The following TBC1D22A variants were observed in gnomAD, a reference collection of about 807,000 sequenced individuals.
TBC1D22A encodes putative GTPase activator.
In TBC1D22A, 38 loss-of-function variants were observed where a neutral mutation model predicts 60.2. That is an observed-to-expected ratio of 0.63 (90% CI 0.49 to 0.83). TBC1D22A has a LOEUF of 0.83. TBC1D22A is among the 40% of genes least tolerant of loss of function. TBC1D22A has a pLI of 0.00. For synonymous variants in TBC1D22A, 302 were observed against 281.7 expected, an observed-to-expected ratio of 1.07 and a Z score of -0.72; for missense variants, 628 against 701.0, an observed-to-expected ratio of 0.90 and a Z score of 1.18.
At chr22:46,945,210 C>T (rs985703268) in intron 8 of TBC1D22A, among the ~76,000 whole-genome samples, 6 of 152,180 alleles carry the variant, frequency 3.9e-5, no homozygotes, top group Non-Finnish European at 7.3e-5. Context: ...AGATTGTGTG[C>T]CATGATCTTT....
chr22:46,910,352 G>C (rs2069825151), intron 7 of TBC1D22A, among the ~76,000 whole-genome samples: 1 of 152,114 alleles, frequency 6.6e-6, no homozygotes, highest in Non-Finnish European at 1.5e-5. Context: ...TAGGTCCCGG[G>C]TTGATGGTGA....
At chr22:47,077,526 G>A (rs767641990) in intron 11 of TBC1D22A, among the ~76,000 whole-genome samples, 26 of 152,210 alleles carry the variant, frequency 1.7e-4, no homozygotes, top group Non-Finnish European at 2.9e-5. Flanking sequence ...TGGGGGGTCT[G>A]AAAGGTCTGT....
chr22:47,117,871 C>G (rs2066127055), intron 12 of TBC1D22A, among the ~76,000 whole-genome samples: 1 of 152,112 alleles, frequency 6.6e-6, no homozygotes, highest in Admixed American at 6.5e-5. Flanking sequence ...GCCTGTAATC[C>G]CAGCACTTTG....
At chr22:46,822,734 G>A (rs1291823561) in intron 4 of TBC1D22A, among the ~76,000 whole-genome samples, 2 of 152,150 alleles carry the variant, frequency 1.3e-5, no homozygotes, top group Non-Finnish European at 2.9e-5. Flanking sequence ...GTGGCATGGG[G>A]AGCAGGACCC....
intron 7 of TBC1D22A, among the ~76,000 whole-genome samples, chr22:46,905,691 A>G (rs1253430248): frequency 6.6e-6 from 1 of 152,120 alleles, no homozygotes; most frequent in East Asian, 1.9e-4. Flanking sequence ...GGGCCAAGGG[A>G]GCCTCTGGGG....
chr22:46,803,138 C>T (rs1292334126), intron 4 of TBC1D22A, among the ~76,000 whole-genome samples: 1 of 151,514 alleles, frequency 6.6e-6, no homozygotes, highest in East Asian at 1.9e-4. Context: ...GCTGTAGAGA[C>T]TGTGTTATCA....
At chr22:46,767,977 C>G (rs1279908756) in intron 1 of TBC1D22A, 1 of 152,874 alleles carries the variant, frequency 6.5e-6, no homozygotes, top group Admixed American at 6.5e-5. Flanking sequence ...CTTTGGAGGG[C>G]TTTGAGCAGA....
chr22:47,150,219 C>T (rs921047925), intron 12 of TBC1D22A, among the ~76,000 whole-genome samples: 1 of 152,164 alleles, frequency 6.6e-6, no homozygotes, highest in African/African-American at 2.4e-5. Flanking sequence ...GTCCGGAGCA[C>T]CGCCACGCCC....
At chr22:47,138,341 TG>T (rs1486302066) in intron 12 of TBC1D22A, among the ~76,000 whole-genome samples, 7 of 151,582 alleles carry the variant, frequency 4.6e-5, no homozygotes, top group Non-Finnish European at 4.4e-5. Flanking sequence ...TGGACAGTGA[TG>T]GACCTGCAGG....
intron 12 of TBC1D22A, among the ~76,000 whole-genome samples, chr22:47,119,234 A>G (rs1173706063): frequency 1.3e-5 from 2 of 152,244 alleles, no homozygotes; most frequent in African/African-American, 4.8e-5. Flanking sequence ...ATATGATTCT[A>G]AGGCCAGAAA....
At chr22:46,982,425 T>C (rs1236316678) in intron 9 of TBC1D22A, among the ~76,000 whole-genome samples, 2 of 152,072 alleles carry the variant, frequency 1.3e-5, no homozygotes, top group African/African-American at 4.8e-5. Flanking sequence ...GGTTTCACCA[T>C]GTTGGCCAGG....
chr22:47,125,149 C>T (rs377209698), intron 12 of TBC1D22A, among the ~76,000 whole-genome samples: 5 of 152,244 alleles, frequency 3.3e-5, no homozygotes, highest in African/African-American at 9.6e-5. Flanking sequence ...ATCTCTGCCC[C>T]ATTGAGTCCC....
rs2075047024 is a variant in TBC1D22A, at chr22:46,994,308, C to A, written c.1126-3326C>A. On this transcript the variant is annotated intron_variant, in intron 9 of 12. Coordinates refer to ENST00000337137, the MANE Select transcript of TBC1D22A (RefSeq NM_014346.5). ...CTGACTGATCCCAGGACCCATCAGGCTCACCCACCCCATCAGAGCCAGTGT... is the reference window on the plus strand; with the variant it reads ...CTGACTGATCCCAGGACCCATCAGGATCACCCACCCCATCAGAGCCAGTGT... Among the ~76,000 whole-genome samples, 3 of 152,348 alleles carry A rather than the reference C, an allele frequency of 2.0e-5. No homozygotes were observed. In the South Asian group the frequency reaches 6.2e-4, roughly 32 times the overall value.
chr22:46,984,366 CAAAAAAAAAAAAAAAAAAAAAAAAAAAA>C (rs136119), intron 9 of TBC1D22A, among the ~76,000 whole-genome samples: 1 of 27,762 alleles, frequency 3.6e-5, no homozygotes, highest in Non-Finnish European at 7.3e-5. Context: ...GACTCCATCT[CAAAAAAAAAAAAAAAAAAAAAAAAAAAA>C]AAAAAAAAAA....
At chr22:46,767,570 C>A (rs547804003) in intron 1 of TBC1D22A, among the ~76,000 whole-genome samples, 2 of 152,138 alleles carry the variant, frequency 1.3e-5, no homozygotes, top group South Asian at 2.1e-4. Context: ...GTGGGAGAGC[C>A]GGGTATAAAT....
chr22:47,037,864 A>T (rs2062705298), intron 11 of TBC1D22A, among the ~76,000 whole-genome samples: 1 of 151,740 alleles, frequency 6.6e-6, no homozygotes, highest in Non-Finnish European at 1.5e-5. Flanking sequence ...CTGCCAAAAA[A>T]CTCACGCTCA....
At chr22:46,958,437 G>A (rs981714381) in intron 8 of TBC1D22A, among the ~76,000 whole-genome samples, 15 of 152,146 alleles carry the variant, frequency 9.9e-5, no homozygotes, top group African/African-American at 3.6e-4. Context: ...GATGGGACAG[G>A]GGGCTCGGCA....
At position 47,066,599 on chromosome 22, in the gene TBC1D22A, C is replaced by T. The variant is rs140263474; in HGVS notation, c.1329+29401C>T. On this transcript the variant is annotated intron_variant, in intron 11 of 12. Coordinates refer to ENST00000337137, the MANE Select transcript of TBC1D22A (RefSeq NM_014346.5). ...CTGTGTGTCCACTATAAGGTATTCC[C>T]GTGGAAGGCAAAGCACAGCGTTAAC... Among the ~76,000 whole-genome samples, 895 of 152,282 alleles carry T rather than the reference C, an allele frequency of 5.9e-3. 11 individuals carry two copies. The highest frequency in any genetic ancestry group is 0.02 in the African/African-American group (829 of 41,542).
intron 12 of TBC1D22A, among the ~76,000 whole-genome samples, chr22:47,112,411 C>G (rs558224817): frequency 2.0e-5 from 3 of 152,196 alleles, no homozygotes; most frequent in Non-Finnish European, 4.4e-5. Flanking sequence ...TCTCCCTTCT[C>G]GAGGCTCTCG....
Sources: allele counts gnomAD v4.1 joint callset (sites outside exome capture counted in the v4.1 genomes callset), GRCh38; gene constraint gnomAD v4.1.1; transcripts MANE v1.5; gene names NCBI Gene and HGNC (gene_info 2026-07-23, HGNC 2026-07-21).